Variants in PLCG2 observed in about 807,000 individuals in gnomAD.
PLCG2 encodes phospholipase C gamma 2.
PLCG2 carries 69 observed loss-of-function variants against 175.6 expected under a neutral mutation model. The ratio of observed to expected loss-of-function variants is 0.39; its 90% CI spans 0.32 to 0.48. The LOEUF (loss-of-function observed/expected upper bound fraction) is 0.48, where lower values mean the gene tolerates loss of function less well. Ranked by LOEUF, PLCG2 falls within the 20% of genes least tolerant of loss-of-function variation. The probability of loss-of-function intolerance (pLI) is 0.91; values close to 1 mark genes in which losing one functional copy is unlikely to be tolerated. For missense variants in PLCG2, 1,798 were observed against 1,650.9 expected (o/e 1.09, Z -1.54); for synonymous variants, 827 against 624.0 (o/e 1.33, Z -4.85).
intron 30 of PLCG2, among the ~76,000 whole-genome samples, chr16:81,941,416 T>A (rs1910933809): frequency 6.6e-6 from 1 of 152,202 alleles, no homozygotes; most frequent in South Asian, 2.1e-4. Context: ...GGAATCTGCA[T>A]CTTTAGGCAG....
chr16:81,892,998 C>G (rs1464384610), intron 11 of PLCG2, among the ~76,000 whole-genome samples: 1 of 152,066 alleles, frequency 6.6e-6, no homozygotes. Flanking sequence ...GCACGAGCCA[C>G]CATGCCCTGT....
chr16:81,758,954 A>G (rs1171912589), intron 2 of PLCG2, among the ~76,000 whole-genome samples: 1 of 152,240 alleles, frequency 6.6e-6, no homozygotes, highest in Admixed American at 6.5e-5. Context: ...CTGAGATTAC[A>G]GGCGTGAGCC....
chr16:81,951,401 AT>A (rs1340585634), intron 31 of PLCG2, among the ~76,000 whole-genome samples: 1 of 152,252 alleles, frequency 6.6e-6, no homozygotes, highest in East Asian at 1.9e-4. Flanking sequence ...AAGAATGTAA[AT>A]AGGCTAAAAT....
At chr16:81,932,399 T>G (rs1296017931) in intron 25 of PLCG2, among the ~76,000 whole-genome samples, 2 of 152,228 alleles carry the variant, frequency 1.3e-5, no homozygotes, top group Non-Finnish European at 2.9e-5. Context: ...AGTGCCACCC[T>G]GTCTTCGATG....
At chr16:81,878,738 G>C (rs1907936915) in intron 7 of PLCG2, among the ~76,000 whole-genome samples, 1 of 152,182 alleles carries the variant, frequency 6.6e-6, no homozygotes, top group Non-Finnish European at 1.5e-5. Context: ...AGCAGCACGT[G>C]TCAAAGCTGG....
chr16:81,884,969 C>T (rs950666965), intron 9 of PLCG2, among the ~76,000 whole-genome samples: 2 of 152,078 alleles, frequency 1.3e-5, no homozygotes, highest in African/African-American at 4.8e-5. Flanking sequence ...CTCACTGCAG[C>T]CTCGACCTCC....
At chr16:81,918,969 TG>T (rs1035758246) in intron 19 of PLCG2, among the ~76,000 whole-genome samples, 4 of 151,696 alleles carry the variant, frequency 2.6e-5, no homozygotes, top group African/African-American at 9.7e-5. Context: ...AATTTTGAGG[TG>T]GGGGGGATTG....
intron 31 of PLCG2, 67 bp downstream of exon 31, chr16:81,946,330 G>A (rs951419658): frequency 9.7e-6 from 11 of 1,131,252 alleles, no homozygotes; most frequent in East Asian, 4.7e-5. Flanking sequence ...GAAACGGCCC[G>A]TGAATACAAT....
chr16:81,809,123 A>G (rs1904296919), intron 2 of PLCG2, among the ~76,000 whole-genome samples: 1 of 152,076 alleles, frequency 6.6e-6, no homozygotes, highest in African/African-American at 2.4e-5. Context: ...GGTGACTTGG[A>G]CTTGTTGCTT....
intron 24 of PLCG2, among the ~76,000 whole-genome samples, chr16:81,929,567 TG>T (rs529901313): frequency 1.4e-3 from 220 of 152,274 alleles, no homozygotes; most frequent in African/African-American, 5.2e-3. Flanking sequence ...GGCTAATTTT[TG>T]TATTTTTAGT....
chr16:81,900,925 A>G lies in PLCG2; in HGVS notation c.1362+145A>G, dbSNP rs1411282893. 4 of 670,456 alleles carry G rather than the reference A, an allele frequency of 6.0e-6. No homozygotes were observed. The South Asian group carries it at 8.3e-5, about 14-fold the overall frequency. 41.5% of individuals were successfully genotyped at this position (670,456 alleles called of 1,614,324 possible). On this transcript the variant is annotated intron_variant, in intron 14 of 32. Transcript: ENST00000564138. Reference sequence around the variant, plus strand: ...AGGCTCAAATCTGCTCTCCTTACTAACACTGTGACCTTAGGCAAAGTCATT... The same window carrying G: ...AGGCTCAAATCTGCTCTCCTTACTAGCACTGTGACCTTAGGCAAAGTCATT...
intron 5 of PLCG2, 141 bp downstream of exon 5, chr16:81,859,304 G>A (rs1458413410): frequency 1.7e-5 from 10 of 605,244 alleles, no homozygotes; most frequent in African/African-American, 3.8e-5. Flanking sequence ...TGCCATGTTG[G>A]GTCCTGGGGT....
At chr16:81,844,672 G>A (rs1906019124) in intron 2 of PLCG2, among the ~76,000 whole-genome samples, 1 of 152,228 alleles carries the variant, frequency 6.6e-6, no homozygotes, top group Non-Finnish European at 1.5e-5. Context: ...ACCTCGTACA[G>A]CAGGTCTATG....
chr16:81,774,052 T>C (rs1301450294), intron 2 of PLCG2, among the ~76,000 whole-genome samples: 1 of 151,420 alleles, frequency 6.6e-6, no homozygotes, highest in Admixed American at 6.6e-5. Flanking sequence ...AAACCATGGG[T>C]CGGGCACAGT....
At chr16:81,879,720 T>C (rs1287483477) in intron 7 of PLCG2, among the ~76,000 whole-genome samples, 1 of 152,180 alleles carries the variant, frequency 6.6e-6, no homozygotes, top group Non-Finnish European at 1.5e-5. Context: ...GAAGCAAGGC[T>C]ACCTGGGCAG....
chr16:81,910,497 C>T (rs758301659), intron 17 of PLCG2, 23 bp from the exon 18 acceptor site: 2 of 1,611,590 alleles, frequency 1.2e-6, no homozygotes, highest in East Asian at 2.2e-5. Context: ...TCTCCCAGCA[C>T]TGATGGCGTC....
Position 81,812,929 on chromosome 16 carries a change from G to C in PLCG2, c.193+26747G>C, listed in dbSNP as rs141121447. 2.0e-5 allele frequency among the ~76,000 whole-genome samples: 3 copies of C among 152,250 alleles called. No homozygotes were observed. The East Asian group carries it at 5.8e-4, about 29-fold the overall frequency. On this transcript the variant is annotated intron_variant, in intron 2 of 32. Transcript: ENST00000564138. ...TTTCCCAACACCATTTATTAAGTAG[G>C]GAATCCTTTCCCCGTTGCTTGTTTT...
At chr16:81,829,893 A>G (rs1414773440) in intron 2 of PLCG2, among the ~76,000 whole-genome samples, 1 of 150,604 alleles carries the variant, frequency 6.6e-6, no homozygotes, top group Non-Finnish European at 1.5e-5. Context: ...CAGCCTCAGT[A>G]GTGAGTGCCA....
At chr16:81,917,554 C>T (rs1415245705) in intron 19 of PLCG2, among the ~76,000 whole-genome samples, 1 of 152,196 alleles carries the variant, frequency 6.6e-6, no homozygotes, top group Non-Finnish European at 1.5e-5. Context: ...CCCACCAGCA[C>T]TTCTCCTTTA....
Sources: gnomAD v4.1 joint callset for allele counts (sites outside exome capture counted in the v4.1 genomes callset) on GRCh38, gnomAD v4.1.1 for gene constraint, MANE v1.5 for transcripts, NCBI Gene and HGNC (gene_info 2026-07-23, HGNC 2026-07-21) for gene names.